Variants in ENOX1 observed in about 807,000 individuals in gnomAD.
The protein encoded by ENOX1 is ecto-NOX disulfide-thiol exchanger 1.
Under a neutral mutation model 82.5 loss-of-function variants are expected in ENOX1, and 42 were observed. The ratio of observed to expected loss-of-function variants is 0.51; its 90% confidence interval spans 0.40 to 0.66. ENOX1 has a LOEUF of 0.66. Among genes scored for constraint, ENOX1 ranks in the 30% least tolerant of loss-of-function variants. ENOX1 has a pLI of 0.00. For missense variants in ENOX1, 608 were observed against 811.6 expected, an observed-to-expected ratio of 0.75 and a Z score of 3.05; for synonymous variants, 271 against 282.2, an observed-to-expected ratio of 0.96 and a Z score of 0.40.
intron 2 of ENOX1, 43 bp downstream of exon 2, chr13:43,667,436 A>C: frequency 1.0e-6 from 1 of 985,204 alleles, no homozygotes; most frequent in Non-Finnish European, 1.2e-6. Context: ...TATGGTGACA[A>C]CCAACCTGCT....
chr13:43,419,160 C>T (rs1203247539), intron 3 of ENOX1, among the ~76,000 whole-genome samples: 1 of 151,970 alleles, frequency 6.6e-6, no homozygotes, highest in South Asian at 2.1e-4. Flanking sequence ...CTGTAATTGT[C>T]CACAAAACAC....
chr13:43,238,288 G>A (rs2042647242), intron 14 of ENOX1, among the ~76,000 whole-genome samples: 1 of 152,110 alleles, frequency 6.6e-6, no homozygotes, highest in Non-Finnish European at 1.5e-5. Flanking sequence ...ACACAATGAA[G>A]AATTTTAAAA....
At chr13:43,541,738 C>G (rs1210588246) in intron 2 of ENOX1, among the ~76,000 whole-genome samples, 1 of 152,148 alleles carries the variant, frequency 6.6e-6, no homozygotes, top group African/African-American at 2.4e-5. Flanking sequence ...TCGAGTACCG[C>G]TGCTTTCAAA....
intron 3 of ENOX1, among the ~76,000 whole-genome samples, chr13:43,461,852 T>C (rs1471689755): frequency 6.6e-6 from 1 of 152,242 alleles, no homozygotes; most frequent in East Asian, 1.9e-4. Context: ...TGAGACCAAC[T>C]GCTGAGCAAG....
chr13:43,357,882 T>G (rs1265572278), intron 7 of ENOX1, among the ~76,000 whole-genome samples: 1 of 152,192 alleles, frequency 6.6e-6, no homozygotes, highest in Non-Finnish European at 1.5e-5. Context: ...AGGGGCCGCC[T>G]GACTTCCTTC....
intron 14 of ENOX1, among the ~76,000 whole-genome samples, chr13:43,263,786 A>T (rs933923982): frequency 6.6e-6 from 1 of 152,232 alleles, no homozygotes; most frequent in Admixed American, 6.5e-5. Context: ...ATTGGAACAG[A>T]CAGCAGCTTC....
chr13:43,544,162 G>A (rs530254574), intron 2 of ENOX1: 1 of 152,068 alleles, frequency 6.6e-6, no homozygotes, highest in Non-Finnish European at 1.5e-5. Flanking sequence ...TTACAGGCAT[G>A]AGCCATCGCG....
chr13:43,464,555 CCTT>C (rs1240422319), intron 3 of ENOX1, among the ~76,000 whole-genome samples: 2 of 152,008 alleles, frequency 1.3e-5, no homozygotes, highest in Admixed American at 6.6e-5. Flanking sequence ...ACCTTTTGGG[CCTT>C]CTTATTATTA....
chr13:43,253,714 T>C (rs1283097251), intron 14 of ENOX1, among the ~76,000 whole-genome samples: 3 of 152,258 alleles, frequency 2.0e-5, no homozygotes, highest in African/African-American at 7.2e-5. Context: ...GTTCACCTGC[T>C]GGTGCATCCT....
At chr13:43,637,452 A>G (rs1171431433) in intron 2 of ENOX1, among the ~76,000 whole-genome samples, 1 of 152,138 alleles carries the variant, frequency 6.6e-6, no homozygotes, top group African/African-American at 2.4e-5. Flanking sequence ...GGATACTCAA[A>G]AACACTGGTC....
chr13:43,255,536 T>C (rs1213043829), intron 14 of ENOX1, among the ~76,000 whole-genome samples: 1 of 152,088 alleles, frequency 6.6e-6, no homozygotes, highest in Non-Finnish European at 1.5e-5. Context: ...AAAACCCTAA[T>C]GACTCGGCCA....
chr13:43,404,335 C>A (rs1005858185), intron 5 of ENOX1, among the ~76,000 whole-genome samples: 17 of 152,192 alleles, frequency 1.1e-4, no homozygotes, highest in African/African-American at 3.9e-4. Flanking sequence ...CCACCTCTGG[C>A]CCACATACAC....
chr13:43,589,762 GTCCCCAGTGC>G (rs1259792854), intron 2 of ENOX1, among the ~76,000 whole-genome samples: 1 of 151,986 alleles, frequency 6.6e-6, no homozygotes, highest in East Asian at 1.9e-4. Context: ...ATCCCATCTT[GTCCCCAGTGC>G]ACTGGGATCA....
intron 5 of ENOX1, among the ~76,000 whole-genome samples, chr13:43,391,390 G>A (rs1268580400): frequency 6.6e-6 from 1 of 152,028 alleles, no homozygotes. Flanking sequence ...GATGAACACA[G>A]ATCTCTCTGG....
intron 8 of ENOX1, among the ~76,000 whole-genome samples, chr13:43,351,157 A>G (rs536699107): frequency 6.6e-6 from 1 of 152,274 alleles, no homozygotes; most frequent in Admixed American, 6.5e-5. Context: ...CAATCCCCAA[A>G]TTTCTGTACA....
intron 2 of ENOX1, among the ~76,000 whole-genome samples, chr13:43,492,515 A>AATGCTT (rs1234248913): frequency 6.6e-6 from 1 of 152,200 alleles, no homozygotes; most frequent in Non-Finnish European, 1.5e-5. Flanking sequence ...ACTTCTGATA[A>AATGCTT]ATGCTTACAT....
At chr13:43,719,990 G>A (rs2088454404) in intron 1 of ENOX1, among the ~76,000 whole-genome samples, 1 of 152,058 alleles carries the variant, frequency 6.6e-6, no homozygotes, top group South Asian at 2.1e-4. Context: ...TCTTCAAGCA[G>A]ATATATTTTT....
intron 2 of ENOX1, among the ~76,000 whole-genome samples, chr13:43,517,361 G>C (rs1263885880): frequency 1.3e-5 from 2 of 152,118 alleles, no homozygotes; most frequent in African/African-American, 2.4e-5. Context: ...AGCTGGGCGT[G>C]GTGGTAGGTG....
intron 1 of ENOX1, among the ~76,000 whole-genome samples, chr13:43,755,141 C>T (rs1950582357): frequency 6.6e-6 from 1 of 151,692 alleles, no homozygotes; most frequent in South Asian, 2.1e-4. Context: ...TTCTCCATTC[C>T]ACACAGAAAA....
Sources: gnomAD v4.1 joint callset for allele counts (sites outside exome capture counted in the v4.1 genomes callset) on GRCh38, gnomAD v4.1.1 for gene constraint, MANE v1.5 for transcripts, NCBI Gene and HGNC (gene_info 2026-07-23, HGNC 2026-07-21) for gene names.